ZFAT: variants seen among roughly 807,000 people sequenced by gnomAD.
The protein encoded by ZFAT is zinc finger and AT-hook domain containing, also known as zinc finger protein ZFAT.
Under a neutral mutation model 117.7 loss-of-function variants are expected in ZFAT, and 64 were observed. That is an observed-to-expected ratio of 0.54 (90% CI 0.44 to 0.67). ZFAT has a LOEUF of 0.67. ZFAT is among the 30% of genes least tolerant of loss of function. The pLI, the probability that ZFAT is intolerant of heterozygous loss-of-function variation, is 0.00. For missense variants in ZFAT, 1,433 were observed against 1,584.5 expected, an observed-to-expected ratio of 0.90 and a Z score of 1.62; for synonymous variants, 679 against 615.0, an observed-to-expected ratio of 1.10 and a Z score of -1.54.
rs1469205480 is a variant in ZFAT, at chr8:134,667,512, ACAT to A, written c.20-9778_20-9776del. On this transcript the variant is annotated intron_variant, in intron 1 of 15. Transcript: ENST00000377838. ...AGTCTCAAAAAAAAAAAAAAAAAAA[ACAT>A]AGATGACAGGTTGATAGGTGCAGCA... is the stretch of plus-strand genomic sequence containing the variant. Among the ~76,000 whole-genome samples, 5 of 70,234 alleles carry A rather than the reference ACAT, an allele frequency of 7.1e-5. No individual in the cohort carries two copies. In the East Asian group the frequency reaches 2.0e-3, roughly 28 times the overall value. The allele number at this position is 70,234 out of a possible 152,430, so 46.1% of individuals were successfully genotyped here.
intron 14 of ZFAT, chr8:134,509,956 C>T: frequency 1.6e-6 from 1 of 615,198 alleles, no homozygotes; most frequent in Non-Finnish European, 2.8e-6. Flanking sequence ...CTCAAAACCC[C>T]AAGCAACCCT....
At chr8:134,745,499 CT>C in the ZFAT span, among the ~76,000 whole-genome samples, 4 of 152,196 alleles carry the variant, frequency 2.6e-5, no homozygotes, top group African/African-American at 9.7e-5. Context: ...GACTTTATTA[CT>C]TTCTCTATGA....
intron 1 of ZFAT, among the ~76,000 whole-genome samples, chr8:134,682,416 G>A (rs1340071394): frequency 2.0e-5 from 3 of 152,226 alleles, no homozygotes; most frequent in Admixed American, 6.5e-5. Context: ...AGCACTTTGG[G>A]AGGCTGAGGC....
intron 1 of ZFAT, among the ~76,000 whole-genome samples, chr8:134,696,959 C>T (rs901082584): frequency 6.6e-6 from 1 of 151,972 alleles, no homozygotes; most frequent in Non-Finnish European, 1.5e-5. Context: ...GCTGTGTCGC[C>T]CAGGCTGGAG....
the ZFAT span, among the ~76,000 whole-genome samples, chr8:134,812,834 A>G: frequency 4.1e-4 from 62 of 152,342 alleles, no homozygotes; most frequent in Non-Finnish European, 7.6e-4. Context: ...TGTTTTATAT[A>G]TATTAACTAA....
chr8:134,511,359 A>C (rs942998923), intron 14 of ZFAT, among the ~76,000 whole-genome samples: 3 of 152,114 alleles, frequency 2.0e-5, no homozygotes, highest in African/African-American at 7.2e-5. Flanking sequence ...TCAAGTTCTG[A>C]CAGAACCTCA....
chr8:134,584,750 A>G (rs1210826716), intron 9 of ZFAT, among the ~76,000 whole-genome samples: 1 of 152,048 alleles, frequency 6.6e-6, no homozygotes, highest in Admixed American at 6.6e-5. Context: ...AGGCCGTTAC[A>G]ATATTGTGTG....
At chr8:134,593,333 T>C (rs1029894498) in intron 7 of ZFAT, among the ~76,000 whole-genome samples, 3 of 143,550 alleles carry the variant, frequency 2.1e-5, no homozygotes, top group African/African-American at 7.7e-5. Context: ...AGGACACAGA[T>C]GGTGGTAAAG....
intron 10 of ZFAT, among the ~76,000 whole-genome samples, chr8:134,583,096 C>A (rs2130845772): frequency 6.7e-6 from 1 of 148,270 alleles, no homozygotes; most frequent in African/African-American, 2.5e-5. Context: ...ACTGTGCCCA[C>A]TGCCCACCGA....
chr8:134,694,798 T>C (rs1833745649), intron 1 of ZFAT, among the ~76,000 whole-genome samples: 1 of 152,202 alleles, frequency 6.6e-6, no homozygotes, highest in South Asian at 2.1e-4. Context: ...GGTGTCCATG[T>C]AACCAAAGCC....
intron 11 of ZFAT, among the ~76,000 whole-genome samples, chr8:134,552,922 A>G (rs1366710332): frequency 6.6e-6 from 1 of 152,262 alleles, no homozygotes; most frequent in Non-Finnish European, 1.5e-5. Flanking sequence ...ATAAACCAGG[A>G]AAAGCTCTTG....
chr8:134,619,554 T>C (rs894144248), intron 3 of ZFAT, among the ~76,000 whole-genome samples: 1 of 152,158 alleles, frequency 6.6e-6, no homozygotes, highest in Admixed American at 6.5e-5. Flanking sequence ...TTGTCTCCCC[T>C]AGATGGATGT....
At chr8:134,522,354 T>TTTCACAA (rs1409871980) in intron 12 of ZFAT, among the ~76,000 whole-genome samples, 1 of 152,234 alleles carries the variant, frequency 6.6e-6, no homozygotes, top group African/African-American at 2.4e-5. Context: ...TTCCCCACCA[T>TTTCACAA]TTCACAATCT....
intron 2 of ZFAT, among the ~76,000 whole-genome samples, 186 bp from the exon 3 acceptor site, chr8:134,637,898 A>C (rs1830322787): frequency 1.3e-5 from 2 of 152,224 alleles, no homozygotes; most frequent in South Asian, 4.1e-4. Context: ...GCATCTGTGT[A>C]CTAATGGGTA....
intron 3 of ZFAT, among the ~76,000 whole-genome samples, chr8:134,626,337 G>C (rs761284108): frequency 6.6e-6 from 1 of 152,234 alleles, no homozygotes; most frequent in Non-Finnish European, 1.5e-5. Flanking sequence ...GCTTGAGCTG[G>C]AAAGTCCAAG....
the ZFAT span, among the ~76,000 whole-genome samples, chr8:134,810,025 T>A: frequency 6.6e-6 from 1 of 152,152 alleles, no homozygotes. Flanking sequence ...AGCACTCAGA[T>A]AACTGAAAGG....
chr8:134,565,581 C>A, intron 10 of ZFAT, 160 bp from the exon 11 acceptor site: 1 of 746,744 alleles, frequency 1.3e-6, no homozygotes, highest in Non-Finnish European at 2.3e-6. Flanking sequence ...CACAATGCAG[C>A]ATGCTCAGTC....
At chr8:134,804,549 A>C in the ZFAT span, among the ~76,000 whole-genome samples, 1 of 152,200 alleles carries the variant, frequency 6.6e-6, no homozygotes, top group African/African-American at 2.4e-5. Context: ...CAGTCTCCTG[A>C]ATTGTTGGGA....
At chr8:134,711,643 T>TA (rs1049477744) in intron 1 of ZFAT, among the ~76,000 whole-genome samples, 11 of 151,788 alleles carry the variant, frequency 7.2e-5, no homozygotes, top group South Asian at 4.2e-4. Context: ...AAAATTAAAT[T>TA]AAAAAAAAGC....
Sources: gnomAD v4.1 joint callset for allele counts (sites outside exome capture counted in the v4.1 genomes callset) on GRCh38, gnomAD v4.1.1 for gene constraint, MANE v1.5 for transcripts, NCBI Gene and HGNC (gene_info 2026-07-23, HGNC 2026-07-21) for gene names.